Variants in LMOD1 observed in about 807,000 individuals in gnomAD.
LMOD1 encodes leiomodin 1.
Under a neutral mutation model 36.5 loss-of-function variants are expected in LMOD1, and 8 were observed. That is an observed-to-expected ratio of 0.22 (90% CI 0.13 to 0.40). The LOEUF (loss-of-function observed/expected upper bound fraction) is 0.40. Among genes scored for constraint, LMOD1 ranks in the 10% least tolerant of loss-of-function variants. The pLI is 1.00. For synonymous variants in LMOD1, 284 were observed against 288.7 expected (o/e 0.98, Z 0.17); for missense variants, 630 against 751.1 (o/e 0.84, Z 1.88).
rs916119881 is a variant in LMOD1, at chr1:201,931,529, C to T, written c.261+14551G>A. Among the ~76,000 whole-genome samples, 7 of 118,160 alleles carry T rather than the reference C, an allele frequency of 5.9e-5. No individual in the cohort carries two copies. In the Admixed American group the frequency reaches 6.6e-4, roughly 11 times the overall value. 77.5% of individuals were successfully genotyped at this position (118,160 alleles called of 152,430 possible). A position where few individuals can be genotyped will look rare whatever the true frequency, so the allele number is the denominator to read the frequency against. On this transcript the variant is annotated intron_variant, in intron 1 of 2. Coordinates refer to ENST00000367288, the MANE Select transcript of LMOD1 (RefSeq NM_012134.3). ...CTCCAGCCTGGGCGACATAATGAGA[C>T]TCTGTCAAAAAAAAAAAAAAAAAAA...
chr1:201,918,625 T>C (rs1681648086), intron 1 of LMOD1, among the ~76,000 whole-genome samples: 1 of 152,216 alleles, frequency 6.6e-6, no homozygotes, highest in Admixed American at 6.5e-5. Context: ...CCACACAGGA[T>C]GTCCTCTCGC....
intron 1 of LMOD1, among the ~76,000 whole-genome samples, chr1:201,902,363 C>A (rs1221666081): frequency 6.6e-6 from 1 of 151,904 alleles, no homozygotes; most frequent in Non-Finnish European, 1.5e-5. Flanking sequence ...TCAATTTTGA[C>A]CCCCGAGACA....
At chr1:201,921,260 C>T (rs1249268607) in intron 1 of LMOD1, among the ~76,000 whole-genome samples, 1 of 151,962 alleles carries the variant, frequency 6.6e-6, no homozygotes, top group African/African-American at 2.4e-5. Context: ...GAGGCTGAGG[C>T]GGGCAGATCA....
rs1558233286 is a variant in LMOD1, at chr1:201,897,423, G to T, written c.*949C>A. ...CTGGTTCAGGAGCAGACCTAGTAGA[G>T]GCCTGGCCTTCTAGACCTGGACAAC... On this transcript the variant is annotated 3_prime_UTR_variant, in exon 3 of 3. Coordinates refer to ENST00000367288, the MANE Select transcript of LMOD1 (RefSeq NM_012134.3). 6.5e-6 allele frequency: 1 copy of T among 153,632 alleles called. No individual in the cohort carries two copies. Among genetic ancestry groups the T allele is most frequent in the East Asian group, 1.9e-4 (1 of 5,204 alleles). 9.5% of individuals were successfully genotyped at this position (153,632 alleles called of 1,614,324 possible).
chr1:201,908,713 A>G (rs1681447589), intron 1 of LMOD1, among the ~76,000 whole-genome samples: 1 of 152,102 alleles, frequency 6.6e-6, no homozygotes. Flanking sequence ...ACACTCAGCA[A>G]GGGGGTTTAC....
chr1:201,936,284 C>A (rs577849498), intron 1 of LMOD1, among the ~76,000 whole-genome samples: 1 of 151,896 alleles, frequency 6.6e-6, no homozygotes, highest in Admixed American at 6.6e-5. Flanking sequence ...CTCTTGCCCC[C>A]CTACAGTCTG....
intron 1 of LMOD1, among the ~76,000 whole-genome samples, chr1:201,924,610 A>AGGGAGGAAGGG: frequency 6.6e-6 from 1 of 150,684 alleles, no homozygotes; most frequent in Non-Finnish European, 1.5e-5. Flanking sequence ...GGAAGGAAGG[A>AGGGAGGAAGGG]AAAGAAAGAA....
intron 1 of LMOD1, among the ~76,000 whole-genome samples, chr1:201,908,482 A>G (rs967879474): frequency 6.6e-6 from 1 of 152,314 alleles, no homozygotes; most frequent in Non-Finnish European, 1.5e-5. Flanking sequence ...AAGGGCTTAT[A>G]CACAAAAACC....
chr1:201,908,786 C>T (rs765669154), intron 1 of LMOD1, among the ~76,000 whole-genome samples: 3 of 152,146 alleles, frequency 2.0e-5, no homozygotes, highest in Non-Finnish European at 2.9e-5. Flanking sequence ...CCAAATAACC[C>T]ACATGGAAAC....
intron 1 of LMOD1, 82 bp from the exon 2 acceptor site, chr1:201,900,833 G>T: frequency 7.9e-7 from 1 of 1,266,616 alleles, no homozygotes; most frequent in Non-Finnish European, 1.1e-6. Flanking sequence ...GTGGGGGAGC[G>T]CTTACATAAC....
In LMOD1 at chr1:201,896,770, C is replaced by T. The variant is rs145816946; in HGVS notation, c.*1602G>A. 2.2e-6 allele frequency: 1 copy of T among 454,024 alleles called. No individual in the cohort carries two copies. Among genetic ancestry groups the T allele is most frequent in the East Asian group, 7.0e-5 (1 of 14,350 alleles). 28.1% of individuals were successfully genotyped at this position (454,024 alleles called of 1,614,324 possible). ...TTGCTTAGGTGACTGGGGTGACAGG[C>T]AAGTGGGTGGAGGGAATGGAGAAGA... On this transcript the variant is annotated 3_prime_UTR_variant, in exon 3 of 3. Transcript: ENST00000367288.
At chr1:201,901,065 G>C (rs1370366374) in intron 1 of LMOD1, among the ~76,000 whole-genome samples, 1 of 152,138 alleles carries the variant, frequency 6.6e-6, no homozygotes, top group East Asian at 1.9e-4. Context: ...TCCTATCATG[G>C]GTGATTTAGA....
intron 1 of LMOD1, among the ~76,000 whole-genome samples, chr1:201,923,903 G>GA (rs1491138490): frequency 6.7e-5 from 9 of 134,158 alleles, no homozygotes; most frequent in African/African-American, 2.5e-4. Flanking sequence ...GAGAGAGAGA[G>GA]GGAGGGAGAG....
Position 201,946,103 on chromosome 1 carries a change from T to G in LMOD1, c.238A>C (p.Met80Leu). The change falls in exon 1 of 3, where the codon ATG becomes CTG. Residue 80 changes from methionine (M) to leucine (L), a missense_variant. Around this residue, in one of 3 missense-constraint regions of LMOD1, gnomAD observed 405 missense variants for 400.6 expected, o/e 1.01. Coordinates refer to ENST00000367288, the MANE Select transcript of LMOD1 (RefSeq NM_012134.3). ...NFCEKETKKLMQREMSMDESK... is the reference protein window; with the variant it reads ...NFCEKETKKLLQREMSMDESK... Reference sequence around the variant, plus strand: ...ACATCCATGGACATCTCCCTCTGCATAAGTTTCTTGGTCTCCTTTTCACAG... The same window carrying G: ...ACATCCATGGACATCTCCCTCTGCAGAAGTTTCTTGGTCTCCTTTTCACAG... 1 of 1,613,960 alleles carries G rather than the reference T, an allele frequency of 6.2e-7. No homozygotes were observed. The highest frequency in any genetic ancestry group is 8.5e-7 in the Non-Finnish European group (1 of 1,179,886).
At position 201,900,441 on chromosome 1, in the gene LMOD1, T is replaced by C; in HGVS notation, c.572A>G (p.Lys191Arg). ...RAVATKKEEE[K>R]KGSDRNTGLS... ...GCCTGTGTTCCTGTCACTCCCTTTC[T>C]TCTCCTCTTCCTTCTTGGTGGCCAC... The change falls in exon 2 of 3, where the codon AAG becomes AGG. Residue 191 changes from lysine (K) to arginine (R), a missense_variant. This residue lies in a region of LMOD1 where 405 missense variants were observed against 400.6 expected (regional missense o/e 1.01). Coordinates refer to ENST00000367288, the MANE Select transcript of LMOD1 (RefSeq NM_012134.3). 1 of 1,597,160 alleles carries C rather than the reference T, an allele frequency of 6.3e-7. No individual in the cohort carries two copies. The highest frequency in any genetic ancestry group is 8.5e-7 in the Non-Finnish European group (1 of 1,171,498).
intron 1 of LMOD1, among the ~76,000 whole-genome samples, chr1:201,941,970 G>C (rs962880441): frequency 6.6e-6 from 1 of 152,188 alleles, no homozygotes; most frequent in Non-Finnish European, 1.5e-5. Context: ...GTTGGGATCC[G>C]GTTCCTGAAA....
chr1:201,907,094 C>T (rs1681424218), intron 1 of LMOD1, among the ~76,000 whole-genome samples: 1 of 152,182 alleles, frequency 6.6e-6, no homozygotes, highest in South Asian at 2.1e-4. Flanking sequence ...ACTACAGGTT[C>T]CCTTTACGGC....
chr1:201,919,564 AG>A (rs1681666633), intron 1 of LMOD1, among the ~76,000 whole-genome samples: 1 of 152,096 alleles, frequency 6.6e-6, no homozygotes, highest in Admixed American at 6.6e-5. Flanking sequence ...TGTTATTCCC[AG>A]GGACTGTATA....
chr1:201,904,382 G>T (rs577933780), intron 1 of LMOD1, among the ~76,000 whole-genome samples: 1 of 152,126 alleles, frequency 6.6e-6, no homozygotes, highest in African/African-American at 2.4e-5. Flanking sequence ...AGCTAATTTT[G>T]TATTTTTGGT....
Sources: gnomAD v4.1 joint callset for allele counts (sites outside exome capture counted in the v4.1 genomes callset) on GRCh38, gnomAD v4.1.1 for gene constraint, gnomAD v4.1.1 regional missense constraint, MANE v1.5 for transcripts, NCBI Gene and HGNC (gene_info 2026-07-23, HGNC 2026-07-21) for gene names.